Variants in NIBAN1 observed in about 807,000 individuals in gnomAD.
The protein encoded by NIBAN1 is niban apoptosis regulator 1.
In NIBAN1, 81 loss-of-function variants were observed where a neutral mutation model predicts 75.1. The observed-to-expected ratio is 1.08, with a 90% CI of 0.90 to 1.30. NIBAN1 has a LOEUF of 1.30. NIBAN1 is among the 50% of genes most tolerant of loss of function. The pLI is 0.00. For missense variants in NIBAN1, 1,133 were observed against 1,128.1 expected, an observed-to-expected ratio of 1.00 and a Z score of -0.06; for synonymous variants, 436 against 424.8, an observed-to-expected ratio of 1.03 and a Z score of -0.32.
chr1:184,913,272 T>C (rs1448580512), intron 1 of NIBAN1, among the ~76,000 whole-genome samples: 1 of 151,916 alleles, frequency 6.6e-6, no homozygotes, highest in East Asian at 1.9e-4. Flanking sequence ...AATGGACACA[T>C]TGACCTCCAT....
chr1:184,897,562 T>C (rs1656833502), intron 2 of NIBAN1, among the ~76,000 whole-genome samples: 1 of 152,180 alleles, frequency 6.6e-6, no homozygotes, highest in Non-Finnish European at 1.5e-5. Flanking sequence ...TTAATACTAG[T>C]TATAAGCTAA....
At chr1:184,877,548 C>G (rs1656264926) in intron 5 of NIBAN1, among the ~76,000 whole-genome samples, 1 of 152,128 alleles carries the variant, frequency 6.6e-6, no homozygotes, top group Non-Finnish European at 1.5e-5. Flanking sequence ...GTATCACGTT[C>G]TCTAAGCTTG....
At chr1:184,965,239 C>A (rs1319845155) in intron 1 of NIBAN1, among the ~76,000 whole-genome samples, 1 of 151,700 alleles carries the variant, frequency 6.6e-6, no homozygotes, top group Non-Finnish European at 1.5e-5. Flanking sequence ...TTGGAGCTTG[C>A]AGTGAGCCGA....
At chr1:184,872,749 C>T (rs1656144631) in intron 5 of NIBAN1, among the ~76,000 whole-genome samples, 1 of 151,310 alleles carries the variant, frequency 6.6e-6, no homozygotes, top group Non-Finnish European at 1.5e-5. Context: ...GGAAGATAGA[C>T]TATCTAATGT....
chr1:184,922,901 G>T lies in NIBAN1; in HGVS notation c.56-23592C>A, dbSNP rs58383458. Among the ~76,000 whole-genome samples, 977 of 152,160 alleles carry T rather than the reference G, an allele frequency of 6.4e-3. 10 individuals carry two copies. Among genetic ancestry groups the T allele is most frequent in the African/African-American group, 0.022 (924 of 41,516 alleles). On this transcript the variant is annotated intron_variant, in intron 1 of 13. Coordinates refer to ENST00000367511, the MANE Select transcript of NIBAN1 (RefSeq NM_052966.4). The stretch of plus-strand genomic sequence containing the variant: ...GGATTACAGACGTGAGTTAAATCAC[G>T]CCTGATTTAACTTAGATTGTTTCTT...
chr1:184,964,753 C>A (rs1219156865), intron 1 of NIBAN1, among the ~76,000 whole-genome samples: 1 of 152,120 alleles, frequency 6.6e-6, no homozygotes, highest in Non-Finnish European at 1.5e-5. Flanking sequence ...TGCTCATGGG[C>A]CGAATCAGAG....
chr1:184,879,626 T>G (rs981329201), intron 5 of NIBAN1, among the ~76,000 whole-genome samples: 1 of 152,224 alleles, frequency 6.6e-6, no homozygotes, highest in African/African-American at 2.4e-5. Flanking sequence ...GGATTTGCTC[T>G]GTCTGATTTG....
At chr1:184,885,053 T>A (rs1043390992) in intron 4 of NIBAN1, among the ~76,000 whole-genome samples, 3 of 152,052 alleles carry the variant, frequency 2.0e-5, no homozygotes, top group Non-Finnish European at 2.9e-5. Flanking sequence ...GGAACACAAT[T>A]TTTTCTCTTT....
intron 6 of NIBAN1, among the ~76,000 whole-genome samples, chr1:184,826,872 AT>A (rs1363665455): frequency 6.6e-6 from 1 of 151,896 alleles, no homozygotes; most frequent in Non-Finnish European, 1.5e-5. Flanking sequence ...GGGGGGTGAT[AT>A]GGTTTGGCTG....
chr1:184,946,783 G>C (rs1174653347), intron 1 of NIBAN1, among the ~76,000 whole-genome samples: 1 of 152,184 alleles, frequency 6.6e-6, no homozygotes. Flanking sequence ...GGAAGAAAAA[G>C]CTGCCTTAAA....
At chr1:184,932,476 G>A (rs1482395240) in intron 1 of NIBAN1, among the ~76,000 whole-genome samples, 9 of 152,134 alleles carry the variant, frequency 5.9e-5, no homozygotes, top group Admixed American at 5.2e-4. Context: ...ATCTAATGCT[G>A]CCGCTGACCT....
intron 1 of NIBAN1, among the ~76,000 whole-genome samples, chr1:184,932,428 C>T (rs1040535023): frequency 2.0e-5 from 3 of 152,196 alleles, no homozygotes; most frequent in Non-Finnish European, 4.4e-5. Context: ...AGATCCCCTG[C>T]ATGCACAGTT....
intron 5 of NIBAN1, among the ~76,000 whole-genome samples, chr1:184,863,939 A>T (rs974047837): frequency 6.6e-6 from 1 of 152,370 alleles, no homozygotes; most frequent in Admixed American, 6.5e-5. Context: ...AGGGATCGAA[A>T]GAGCATACAT....
intron 1 of NIBAN1, among the ~76,000 whole-genome samples, chr1:184,949,879 G>C (rs1658318744): frequency 1.3e-5 from 2 of 152,094 alleles, no homozygotes; most frequent in Admixed American, 1.3e-4. Flanking sequence ...GCAGTACTGG[G>C]TTGGGGTCCC....
At chr1:184,803,558 G>GCT in intron 12 of NIBAN1, 27 bp downstream of exon 12, 1 of 1,574,082 alleles carries the variant, frequency 6.4e-7, no homozygotes. Flanking sequence ...AGAAGAGCAA[G>GCT]CTCTTTAGGG....
chr1:184,865,588 C>A (rs537675735), intron 5 of NIBAN1, among the ~76,000 whole-genome samples: 54 of 151,484 alleles, frequency 3.6e-4, no homozygotes, highest in African/African-American at 1.3e-3. Flanking sequence ...CACGTACCCC[C>A]AAATCTAAAA....
intron 1 of NIBAN1, among the ~76,000 whole-genome samples, chr1:184,918,735 A>G (rs1208637472): frequency 1.3e-5 from 2 of 152,076 alleles, no homozygotes; most frequent in African/African-American, 2.4e-5. Context: ...CCATTTCTCC[A>G]ATGTCTACAC....
chr1:184,822,960 C>T (rs1166429023), intron 8 of NIBAN1, among the ~76,000 whole-genome samples: 1 of 151,620 alleles, frequency 6.6e-6, no homozygotes, highest in African/African-American at 2.4e-5. Context: ...AAGAAACAAA[C>T]TTTCCTCTGC....
chr1:184,918,358 C>T (rs1374412111), intron 1 of NIBAN1, among the ~76,000 whole-genome samples: 1 of 152,216 alleles, frequency 6.6e-6, no homozygotes, highest in Non-Finnish European at 1.5e-5. Flanking sequence ...CCACTCTTCA[C>T]ATCACGGCAA....
Sources: gnomAD v4.1 joint callset for allele counts (sites outside exome capture counted in the v4.1 genomes callset) on GRCh38, gnomAD v4.1.1 for gene constraint, MANE v1.5 for transcripts, NCBI Gene and HGNC (gene_info 2026-07-23, HGNC 2026-07-21) for gene names.